ANK2: variants seen among roughly 807,000 people sequenced by gnomAD.
ANK2 encodes ankyrin-2.
A neutral mutation model predicts 360.5 loss-of-function variants in ANK2; 83 were observed. That is an observed-to-expected ratio of 0.23 (90% CI 0.19 to 0.28). ANK2 has a LOEUF of 0.28. Among genes scored for constraint, ANK2 ranks in the 10% least tolerant of loss-of-function variants. ANK2 has a pLI of 1.00. For missense variants in ANK2, 4,201 were observed against 4,795.7 expected, an observed-to-expected ratio of 0.88 and a Z score of 3.66; for synonymous variants, 1,740 against 1,759.5, an observed-to-expected ratio of 0.99 and a Z score of 0.28.
At chr4:113,090,366 T>C (rs1215332403) in intron 1 of ANK2, among the ~76,000 whole-genome samples, 1 of 152,224 alleles carries the variant, frequency 6.6e-6, no homozygotes, top group Non-Finnish European at 1.5e-5. Flanking sequence ...ATGGAAAACC[T>C]ACATAGTGGT....
chr4:112,886,359 G>A (rs896953071), intron 1 of ANK2, among the ~76,000 whole-genome samples: 17 of 152,054 alleles, frequency 1.1e-4, no homozygotes, highest in African/African-American at 4.1e-4. Flanking sequence ...TATGCCCTAA[G>A]TCTAAGTTCA....
Position 113,318,865 on chromosome 4 carries a change from G to A in ANK2, c.2900+245G>A, listed in dbSNP as rs61424512. On this transcript the variant is annotated intron_variant, in intron 26 of 45. Transcript: ENST00000357077. The stretch of plus-strand genomic sequence containing the variant: ...GTTTTAAAACAACTAGTAGAATTGC[G>A]TCAAACAGCTTGCTACCTAACTGGA... Among the ~76,000 whole-genome samples, 1,038 of 152,156 alleles carry A rather than the reference G, an allele frequency of 6.8e-3. 7 individuals are homozygous for A. Among genetic ancestry groups the A allele is most frequent in the African/African-American group, 0.024 (984 of 41,504 alleles).
Position 113,357,870 on chromosome 4 carries a change from T to G in ANK2, c.9252T>G (p.Pro3084=). The G allele has an allele frequency of 6.2e-7, 1 of 1,614,096 alleles. No homozygotes were observed. The highest frequency in any genetic ancestry group is 8.5e-7 in the Non-Finnish European group (1 of 1,179,954). The change falls in exon 38 of 46, where the codon CCT becomes CCG. Residue 3084 remains proline, a synonymous_variant. Transcript: ENST00000357077. ...QSQGTTPDTT[P]ARTPTEEGTP... is the part of the protein sequence containing the mutation. ...AGGGTACCACCCCTGACACCACTCC[T>G]GCTAGGACCCCAACTGAAGAGGGGA...
chr4:112,878,155 C>T (rs964793879), intron 1 of ANK2, among the ~76,000 whole-genome samples: 25 of 147,642 alleles, frequency 1.7e-4, no homozygotes, highest in African/African-American at 6.1e-4. Flanking sequence ...ACTTTAGACT[C>T]ATCTATCTAT....
At chr4:112,865,430 A>G (rs1015582784) in intron 1 of ANK2, among the ~76,000 whole-genome samples, 3 of 152,210 alleles carry the variant, frequency 2.0e-5, no homozygotes, top group African/African-American at 7.2e-5. Context: ...TTCAGGTTTT[A>G]AAGACTTCTT....
chr4:113,311,533 T>A lies in ANK2; in HGVS notation c.2693+134T>A, dbSNP rs941564035. 8.8e-5 allele frequency: 107 copies of A among 1,209,756 alleles called. No individual in the cohort carries two copies. In the Admixed American group the frequency reaches 2.0e-3, roughly 23 times the overall value. The allele number at this position is 1,209,756 out of a possible 1,614,324, so 74.9% of individuals were successfully genotyped here. On this transcript the variant is annotated intron_variant, in intron 24 of 45. Transcript: ENST00000357077. Reference sequence around the variant, plus strand: ...ATTAATCTCAGCAGTTAGCATGTTATGTTTTTCCATTGTCTAACAACTTTA... The same window carrying A: ...ATTAATCTCAGCAGTTAGCATGTTAAGTTTTTCCATTGTCTAACAACTTTA...
rs538157245 is a variant in ANK2, at chr4:113,383,081, A to G, written c.*1610A>G. On this transcript the variant is annotated 3_prime_UTR_variant, in exon 46 of 46. Transcript: ENST00000357077. Reference sequence around the variant, plus strand: ...AATCAGTCATTTGTTAAAGAAAAGTATATTCAATGAAGATGAAATTTAAAT... The same window carrying G: ...AATCAGTCATTTGTTAAAGAAAAGTGTATTCAATGAAGATGAAATTTAAAT... 2.6e-5 allele frequency: 4 copies of G among 152,782 alleles called. No individual in the cohort carries two copies. The highest frequency in any genetic ancestry group is 2.1e-4 in the South Asian group (1 of 4,832). The allele number at this position is 152,782 out of a possible 1,614,324, so 9.5% of individuals were successfully genotyped here.
intron 2 of ANK2, among the ~76,000 whole-genome samples, chr4:113,025,499 A>T (rs964673161): frequency 7.2e-5 from 11 of 152,174 alleles, no homozygotes; most frequent in Non-Finnish European, 1.5e-5. Flanking sequence ...CCTTATGGAT[A>T]AACTCCAAAT....
chr4:112,741,399 A>G, the ANK2 span, among the ~76,000 whole-genome samples: 1 of 152,154 alleles, frequency 6.6e-6, no homozygotes, highest in Non-Finnish European at 1.5e-5. Context: ...TTTTCGTTGC[A>G]TAGCCATCCT....
chr4:113,020,210 G>A (rs2057693380), intron 2 of ANK2, among the ~76,000 whole-genome samples: 1 of 152,064 alleles, frequency 6.6e-6, no homozygotes, highest in African/African-American at 2.4e-5. Flanking sequence ...TTGGTATGGG[G>A]TCTTTCTCTG....
chr4:113,370,495 C>T (rs888884676), intron 43 of ANK2, among the ~76,000 whole-genome samples: 1 of 152,044 alleles, frequency 6.6e-6, no homozygotes, highest in African/African-American at 2.4e-5. Context: ...CGCGGTGGCT[C>T]ACACCTGTAA....
chr4:113,345,764 A>G, intron 34 of ANK2, 136 bp from the exon 35 acceptor site: 2 of 1,248,850 alleles, frequency 1.6e-6, no homozygotes, highest in Non-Finnish European at 2.3e-6. Flanking sequence ...GGTAATAGGA[A>G]AAGAGAAAGG....
chr4:112,719,753 T>G, the ANK2 span, among the ~76,000 whole-genome samples: 1 of 149,844 alleles, frequency 6.7e-6, no homozygotes, highest in Non-Finnish European at 1.5e-5. Flanking sequence ...GAAGGTATAA[T>G]TCAAAGCAGT....
At chr4:113,295,098 A>C (rs1349475203) in intron 22 of ANK2, among the ~76,000 whole-genome samples, 1 of 152,172 alleles carries the variant, frequency 6.6e-6, no homozygotes, top group East Asian at 1.9e-4. Context: ...ACTAGATGGC[A>C]AGCTTGTATC....
Position 113,356,634 on chromosome 4 carries a change from G to C in ANK2, c.8016G>C (p.Gln2672His). 1 of 1,614,066 alleles carries C rather than the reference G, an allele frequency of 6.2e-7. No individual in the cohort carries two copies. Among genetic ancestry groups the C allele is most frequent in the Non-Finnish European group, 8.5e-7 (1 of 1,179,964 alleles). Reference protein sequence around the residue: ...SSSESEPELAQLKKGADSGLL... With the variant: ...SSSESEPELAHLKKGADSGLL... ...CAGAAAGTGAACCTGAGTTGGCACA[G>C]CTTAAAAAAGGTGCTGACTCAGGCC... Residue 2672 changes from glutamine to histidine, a missense_variant, in exon 38 of 46, where the codon CAG becomes CAC. Physicochemically the swap from Gln to His is conservative, Grantham distance 24. Coordinates refer to ENST00000357077, the MANE Select transcript of ANK2 (RefSeq NM_001148.6).
At chr4:113,176,646 A>G (rs560480564) in intron 2 of ANK2, among the ~76,000 whole-genome samples, 5 of 151,910 alleles carry the variant, frequency 3.3e-5, no homozygotes, top group African/African-American at 9.7e-5. Flanking sequence ...ATTTTTTATT[A>G]TACTTTAAGT....
chr4:113,253,751 G>A (rs2047750835), intron 10 of ANK2, among the ~76,000 whole-genome samples: 1 of 151,960 alleles, frequency 6.6e-6, no homozygotes, highest in Admixed American at 6.6e-5. Context: ...ACCCTACCTG[G>A]AGGACTGCAA....
intron 9 of ANK2, among the ~76,000 whole-genome samples, 200 bp from the exon 10 acceptor site, chr4:113,249,564 T>C (rs919002639): frequency 1.3e-5 from 2 of 152,224 alleles, no homozygotes; most frequent in African/African-American, 4.8e-5. Context: ...CCTTTCTCTT[T>C]CTTGTTCTCT....
intron 43 of ANK2, chr4:113,372,473 C>A: frequency 9.4e-7 from 1 of 1,059,690 alleles, no homozygotes; most frequent in Non-Finnish European, 1.4e-6. Context: ...AAAGAAGAAA[C>A]CAGTAGTGAA....
Sources: allele counts gnomAD v4.1 joint callset (sites outside exome capture counted in the v4.1 genomes callset), GRCh38; gene constraint gnomAD v4.1.1; transcripts MANE v1.5; gene names NCBI Gene and HGNC (gene_info 2026-07-23, HGNC 2026-07-21).